The following LYST variants were observed in gnomAD, a reference collection of about 807,000 sequenced individuals.
LYST encodes lysosomal-trafficking regulator.
In LYST, 192 loss-of-function variants were observed where a neutral mutation model predicts 413.6. That is an observed-to-expected ratio of 0.46 (90% CI 0.41 to 0.52). LYST has a LOEUF of 0.52. LYST is among the 20% of genes least tolerant of loss of function. LYST has a pLI of 0.00. For missense variants in LYST, 3,815 were observed against 4,499.9 expected, an observed-to-expected ratio of 0.85 and a Z score of 4.35; for synonymous variants, 1,525 against 1,567.3, an observed-to-expected ratio of 0.97 and a Z score of 0.64.
rs1660815730 is a variant in LYST at position 235,693,224 on chromosome 1, G to A, written c.10701+126C>T. On this transcript the variant is annotated intron_variant, in intron 47 of 52. Coordinates refer to ENST00000389793, the MANE Select transcript of LYST (RefSeq NM_000081.4). ...CCCAGCTACTTGGGAGGCTGAGGCAGGAGAATGGCGTGAGCCGGGAGGTGG... is the reference window on the plus strand; with the variant it reads ...CCCAGCTACTTGGGAGGCTGAGGCAAGAGAATGGCGTGAGCCGGGAGGTGG... 5.1e-6 allele frequency: 3 copies of A among 588,472 alleles called. No homozygotes were observed. In the African/African-American group the frequency reaches 1.4e-4, roughly 27 times the overall value. 36.5% of individuals were successfully genotyped at this position (588,472 alleles called of 1,614,324 possible).
At chr1:235,726,290 G>C (rs1336416667) in intron 38 of LYST, among the ~76,000 whole-genome samples, 1 of 151,722 alleles carries the variant, frequency 6.6e-6, no homozygotes. Context: ...TACTCTATGT[G>C]TGTTTTACTA....
rs766721219 is a variant in LYST, at chr1:235,662,973, G to A, written c.11373C>T (p.Phe3791=). The part of the protein sequence containing the change: ...KDQQRLKQPM[F]YSFLSSYAAG ...CTGCATAGCTGCTAAGGAAGGAATA[G>A]AACATTGGCTGTTTCAAGCGCTGCT... Residue 3791 remains phenylalanine, a synonymous_variant, in exon 53 of 53, where the codon TTC becomes TTT. Coordinates refer to ENST00000389793, the MANE Select transcript of LYST (RefSeq NM_000081.4). 2 of 1,610,134 alleles carry A rather than the reference G, an allele frequency of 1.2e-6. No homozygotes were observed.
At position 235,752,095 on chromosome 1, in the gene LYST, T is replaced by C. The variant is rs1419555122; in HGVS notation, c.7537A>G (p.Ser2513Gly). The change falls in exon 27 of 53, where the codon AGT (serine) becomes GGT (glycine). Residue 2513 changes from serine (S) to glycine (G), a missense_variant. This residue lies in a region of LYST where 771 missense variants were observed against 837.1 expected (regional missense o/e 0.92). Transcript: ENST00000389793. ...LFIAVTIHAC[S>G]SSGSQYFRVI... is the part of the protein sequence containing the mutation. ...CTAAAATATTGTGAGCCTGAGGAAC[T>C]GCAAGCATGAATTGTAACTGCTATG... The C allele has an allele frequency of 6.2e-7, 1 of 1,611,092 alleles. No homozygotes were observed. The highest frequency in any genetic ancestry group is 1.1e-5 in the South Asian group (1 of 91,008).
chr1:235,842,502 T>C (rs180910802), intron 1 of LYST, among the ~76,000 whole-genome samples: 126 of 152,336 alleles, frequency 8.3e-4, no homozygotes, highest in Non-Finnish European at 1.1e-3. Context: ...GAAAGCCCTA[T>C]AATGACAGAG....
At chr1:235,874,775 A>C (rs1234042613) in intron 1 of LYST, among the ~76,000 whole-genome samples, 2 of 152,172 alleles carry the variant, frequency 1.3e-5, no homozygotes, top group Non-Finnish European at 2.9e-5. Flanking sequence ...AAGAGTTGGA[A>C]ATTTGATTGG....
chr1:235,805,622 C>T (rs1672743672), intron 6 of LYST, 121 bp downstream of exon 6: 1 of 334,314 alleles, frequency 3.0e-6, no homozygotes, highest in South Asian at 1.2e-4. Context: ...TTATATATAA[C>T]ACAATAATAT....
chr1:235,810,569 C>T (rs772554004), intron 4 of LYST, 35 bp from the exon 5 acceptor site: 21 of 1,582,170 alleles, frequency 1.3e-5, no homozygotes, highest in Middle Eastern at 1.7e-4. Flanking sequence ...TAGAATACCT[C>T]AATATGTTTT....
Position 235,677,741 on chromosome 1 carries a change from C to T in LYST, c.10801-122G>A, listed in dbSNP as rs1243252991. 1.3e-5 allele frequency: 9 copies of T among 708,106 alleles called. No individual in the cohort carries two copies. In the East Asian group the frequency reaches 1.3e-4, roughly 10 times the overall value. 43.9% of individuals were successfully genotyped at this position (708,106 alleles called of 1,614,324 possible). A position where few individuals can be genotyped will look rare whatever the true frequency, so the allele number is the denominator to read the frequency against. On this transcript the variant is annotated intron_variant, in intron 48 of 52. Transcript: ENST00000389793. ...CTTCTCAAACATATCATTCTTCAATCCTATTCAGAGTAAAACAAAGAAAGA... is the reference window on the plus strand; with the variant it reads ...CTTCTCAAACATATCATTCTTCAATTCTATTCAGAGTAAAACAAAGAAAGA...
chr1:235,709,918 G>C (rs896631842), intron 43 of LYST, among the ~76,000 whole-genome samples: 1 of 139,816 alleles, frequency 7.2e-6, no homozygotes, highest in African/African-American at 3.4e-5. Flanking sequence ...CAGGAAATAA[G>C]AGGGTTCTTC....
intron 14 of LYST, 91 bp from the exon 15 acceptor site, chr1:235,782,178 T>TTA: frequency 2.6e-6 from 3 of 1,157,116 alleles, no homozygotes; most frequent in Non-Finnish European, 3.7e-6. Context: ...CAATGGGGAA[T>TTA]TCTTTTTTTT....
At chr1:235,801,489 G>A (rs1672221781) in intron 8 of LYST, among the ~76,000 whole-genome samples, 1 of 151,924 alleles carries the variant, frequency 6.6e-6, no homozygotes, top group African/African-American at 2.4e-5. Flanking sequence ...TAGTAGGCTT[G>A]ACTAGTGGTT....
chr1:235,665,361 G>A (rs1658344473), intron 50 of LYST, among the ~76,000 whole-genome samples: 1 of 151,964 alleles, frequency 6.6e-6, no homozygotes, highest in Non-Finnish European at 1.5e-5. Context: ...TGTAATCCCA[G>A]CACTTTTGGA....
chr1:235,847,270 C>T (rs1366592602), intron 1 of LYST, among the ~76,000 whole-genome samples: 3 of 152,086 alleles, frequency 2.0e-5, no homozygotes, highest in African/African-American at 7.2e-5. Context: ...TTGTATCCAG[C>T]AAAATTAAGC....
rs935249973 is a variant in LYST at position 235,733,638 on chromosome 1, T to C, written c.8666A>G (p.Asp2889Gly). ...GGAGAGAGACACTGCCTGGGTGATA[T>C]CTGCAGCTATTTTAGATATATCCTT... ...KSKDISKIAADITQAVSLSQG... is the reference protein window; with the variant it reads ...KSKDISKIAAGITQAVSLSQG... Residue 2889 changes from aspartate to glycine, a missense_variant, in exon 34 of 53, where the codon GAT (aspartate) becomes GGT (glycine). By Grantham distance (94) the Asp-to-Gly change is moderately conservative (BLOSUM62 -1). Around this residue, in one of 4 missense-constraint regions of LYST, gnomAD observed 866 missense variants for 1,156.0 expected, o/e 0.75. Transcript: ENST00000389793. 6 of 1,613,854 alleles carry C rather than the reference T, an allele frequency of 3.7e-6. No individual in the cohort carries two copies. Among genetic ancestry groups the C allele is most frequent in the Non-Finnish European group, 4.2e-6 (5 of 1,179,802 alleles).
intron 34 of LYST, among the ~76,000 whole-genome samples, chr1:235,732,232 C>A (rs917724222): frequency 6.6e-6 from 1 of 152,100 alleles, no homozygotes; most frequent in Non-Finnish European, 1.5e-5. Context: ...AACCATATTA[C>A]GGTTTATAAC....
chr1:235,698,051 G>A (rs1318784367), intron 45 of LYST, among the ~76,000 whole-genome samples: 2 of 152,018 alleles, frequency 1.3e-5, no homozygotes, highest in African/African-American at 4.8e-5. Flanking sequence ...AAGACATGAT[G>A]CCCTTTTAAA....
intron 21 of LYST, among the ~76,000 whole-genome samples, chr1:235,764,767 T>C (rs975661419): frequency 6.6e-6 from 1 of 152,064 alleles, no homozygotes; most frequent in Admixed American, 6.5e-5. Context: ...CTTCCCAAAG[T>C]GCTGGGATTA....
Position 235,806,082 on chromosome 1 carries a change from T to C in LYST, c.3054A>G (p.Val1018=). 3 of 1,613,812 alleles carry C rather than the reference T, an allele frequency of 1.9e-6. No homozygotes were observed. Among genetic ancestry groups the C allele is most frequent in the Non-Finnish European group, 2.5e-6 (3 of 1,179,832 alleles). ...TTCTGTTTAAATCCTGGTTTTCATT[T>C]ACACTTGTATCTCCCTCCTTTTTTC... ...EQGKKEGDTS[V]NENQDLNRIS... The change falls in exon 6 of 53, where the codon GTA becomes GTG. Residue 1018 remains valine (V), a synonymous_variant. Transcript: ENST00000389793.
chr1:235,762,503 G>C (rs1667692392), intron 22 of LYST, among the ~76,000 whole-genome samples: 1 of 152,194 alleles, frequency 6.6e-6, no homozygotes, highest in African/African-American at 2.4e-5. Flanking sequence ...CTTGATGAAA[G>C]ACAAATGACT....
Sources: gnomAD v4.1 joint callset for allele counts (sites outside exome capture counted in the v4.1 genomes callset) on GRCh38, gnomAD v4.1.1 for gene constraint, gnomAD v4.1.1 regional missense constraint, MANE v1.5 for transcripts, NCBI Gene and HGNC (gene_info 2026-07-23, HGNC 2026-07-21) for gene names.